The following RBMS3 variants were observed in gnomAD, a reference collection of about 807,000 sequenced individuals.
RBMS3 encodes the protein RNA-binding motif, single-stranded-interacting protein 3.
RBMS3 carries 27 observed loss-of-function variants against 66.8 expected under a neutral mutation model. The ratio of observed to expected loss-of-function variants is 0.40; its 90% CI spans 0.30 to 0.56. The LOEUF is 0.56. RBMS3 is among the 20% of genes least tolerant of loss of function. The probability of loss-of-function intolerance (pLI) is 0.40; values close to 1 mark genes in which losing one functional copy is unlikely to be tolerated. For synonymous variants in RBMS3, 188 were observed against 183.0 expected (o/e 1.03, Z -0.22); for missense variants, 513 against 549.5 (o/e 0.93, Z 0.66).
intron 3 of RBMS3, among the ~76,000 whole-genome samples, chr3:29,507,503 A>G (rs1156805318): frequency 6.6e-6 from 1 of 152,106 alleles, no homozygotes; most frequent in Non-Finnish European, 1.5e-5. Flanking sequence ...TTGCGAAAAA[A>G]AAAGACAAAT....
intron 1 of RBMS3, among the ~76,000 whole-genome samples, chr3:29,316,466 TATC>T (rs1468652231): frequency 6.6e-6 from 1 of 151,620 alleles, no homozygotes; most frequent in Non-Finnish European, 1.5e-5. Context: ...TAGTTACTAT[TATC>T]ATCATCAGGG....
intron 3 of RBMS3, among the ~76,000 whole-genome samples, chr3:29,517,602 C>T (rs557248132): frequency 6.6e-6 from 1 of 151,576 alleles, no homozygotes; most frequent in Non-Finnish European, 1.5e-5. Flanking sequence ...GGATTACAGG[C>T]GTGAGCCACC....
chr3:29,717,343 A>C (rs1576603850), intron 4 of RBMS3, among the ~76,000 whole-genome samples: 6 of 152,146 alleles, frequency 3.9e-5, no homozygotes, highest in Admixed American at 3.9e-4. Flanking sequence ...TTCTTGCCAC[A>C]CGTTCTGTTT....
chr3:29,362,708 A>G (rs760448138), intron 1 of RBMS3, among the ~76,000 whole-genome samples: 38 of 152,332 alleles, frequency 2.5e-4, no homozygotes, highest in Non-Finnish European at 2.8e-4. Flanking sequence ...CCAAAATTCC[A>G]TAGTTTACTT....
At chr3:29,769,496 T>G (rs1434861824) in intron 6 of RBMS3, among the ~76,000 whole-genome samples, 1 of 151,836 alleles carries the variant, frequency 6.6e-6, no homozygotes, top group Non-Finnish European at 1.5e-5. Context: ...GATTAGAAGG[T>G]TGGAAGGTCT....
At chr3:29,891,985 TAA>T (rs562883203) in intron 8 of RBMS3, among the ~76,000 whole-genome samples, 1 of 151,390 alleles carries the variant, frequency 6.6e-6, no homozygotes, top group Non-Finnish European at 1.5e-5. Context: ...TTTTGTACAG[TAA>T]AAAAAATTAA....
chr3:29,910,100 T>C (rs1240226648), intron 10 of RBMS3, among the ~76,000 whole-genome samples: 2 of 152,084 alleles, frequency 1.3e-5, no homozygotes, highest in Non-Finnish European at 1.5e-5. Flanking sequence ...ATTTAACATA[T>C]TAAATATAAT....
intron 1 of RBMS3, among the ~76,000 whole-genome samples, chr3:29,391,515 T>C (rs1439499538): frequency 6.6e-6 from 1 of 152,214 alleles, no homozygotes; most frequent in African/African-American, 2.4e-5. Context: ...AGATTAAGAC[T>C]TTGATTGGTG....
At chr3:29,364,233 T>G (rs2125587908) in intron 1 of RBMS3, among the ~76,000 whole-genome samples, 1 of 151,338 alleles carries the variant, frequency 6.6e-6, no homozygotes, top group South Asian at 2.1e-4. Flanking sequence ...AGTGATATGT[T>G]ATATAAAAAT....
chr3:29,556,186 C>A (rs2046356267), intron 3 of RBMS3, among the ~76,000 whole-genome samples: 1 of 152,086 alleles, frequency 6.6e-6, no homozygotes, highest in Admixed American at 6.6e-5. Context: ...AAAATTATTT[C>A]TCAGAATTAT....
chr3:29,329,806 T>G (rs1030294812), intron 1 of RBMS3, among the ~76,000 whole-genome samples: 4 of 148,316 alleles, frequency 2.7e-5, no homozygotes, highest in African/African-American at 4.9e-5. Context: ...TTTTATAGAT[T>G]ATATATATTA....
rs534170079 is a variant in RBMS3 at position 29,955,013 on chromosome 3, A to T, written c.1098+10759A>T. Among the ~76,000 whole-genome samples, 7 of 152,178 alleles carry T rather than the reference A, an allele frequency of 4.6e-5. No homozygotes were observed. The South Asian group carries it at 1.4e-3, about 31-fold the overall frequency. ...TGAATCTAAAGTCATCTTTTCTAAC[A>T]GCAGCCCTCTAACTCATAACCAGTA... On this transcript the variant is annotated intron_variant, in intron 12 of 14. Transcript: ENST00000383767.
intron 12 of RBMS3, among the ~76,000 whole-genome samples, chr3:29,985,538 A>G (rs184684871): frequency 1.1e-4 from 16 of 152,280 alleles, no homozygotes; most frequent in African/African-American, 3.9e-4. Flanking sequence ...AAGGCATAGT[A>G]TCTGGGCCAG....
chr3:29,790,709 A>T (rs1418537434), intron 6 of RBMS3, among the ~76,000 whole-genome samples: 3 of 152,140 alleles, frequency 2.0e-5, no homozygotes, highest in African/African-American at 7.2e-5. Flanking sequence ...ATTTTCAAAA[A>T]GACTCCTTTT....
At chr3:29,990,859 C>A (rs1048106700) in intron 13 of RBMS3, among the ~76,000 whole-genome samples, 3 of 152,070 alleles carry the variant, frequency 2.0e-5, no homozygotes, top group African/African-American at 7.2e-5. Context: ...CTTAACTACT[C>A]CAACAACTTC....
chr3:29,817,199 T>C (rs2057935925), intron 6 of RBMS3, among the ~76,000 whole-genome samples: 1 of 148,024 alleles, frequency 6.8e-6, no homozygotes, highest in South Asian at 2.1e-4. Context: ...TTTCTTTTTT[T>C]TTTTTTGAGG....
chr3:29,603,522 G>A (rs1173560546), intron 4 of RBMS3, among the ~76,000 whole-genome samples: 1 of 151,926 alleles, frequency 6.6e-6, no homozygotes, highest in Non-Finnish European at 1.5e-5. Flanking sequence ...TTGACTGAGA[G>A]GAAAATTAAT....
At chr3:29,370,607 G>A (rs1256190756) in intron 1 of RBMS3, among the ~76,000 whole-genome samples, 1 of 152,110 alleles carries the variant, frequency 6.6e-6, no homozygotes, top group Non-Finnish European at 1.5e-5. Context: ...AATCACCAGA[G>A]GAGGAATAAT....
At position 29,589,907 on chromosome 3, in the gene RBMS3, A is replaced by T. The variant is rs12492659; in HGVS notation, c.399+2702A>T. On this transcript the variant is annotated intron_variant, in intron 4 of 14. Coordinates refer to ENST00000383767, the MANE Select transcript of RBMS3 (RefSeq NM_001003793.3). The stretch of plus-strand genomic sequence containing the variant: ...AATAGTAACCTTCAGCTAACATAAA[A>T]CTCTCCAAGTGAATTGTCTTATTTA... 7.4e-3 allele frequency among the ~76,000 whole-genome samples: 1,123 copies of T among 151,832 alleles called. 8 individuals are homozygous for T. The highest frequency in any genetic ancestry group is 0.034 in the Middle Eastern group (10 of 294).
Sources: gnomAD v4.1 joint callset for allele counts (sites outside exome capture counted in the v4.1 genomes callset) on GRCh38, gnomAD v4.1.1 for gene constraint, MANE v1.5 for transcripts, NCBI Gene and HGNC (gene_info 2026-07-23, HGNC 2026-07-21) for gene names.